BCAS3: variants seen among roughly 807,000 people sequenced by gnomAD.
The protein encoded by BCAS3 is BCAS4/BCAS3 fusion.
BCAS3 carries 53 observed loss-of-function variants against 116.1 expected under a neutral mutation model. The ratio of observed to expected loss-of-function variants is 0.46; its 90% CI spans 0.37 to 0.57. The LOEUF (loss-of-function observed/expected upper bound fraction) is 0.57. Ranked by LOEUF, BCAS3 falls within the 20% of genes least tolerant of loss-of-function variation. BCAS3 has a pLI of 0.00. For missense variants in BCAS3, 917 were observed against 1,165.4 expected, an observed-to-expected ratio of 0.79 and a Z score of 3.10; for synonymous variants, 391 against 408.2, an observed-to-expected ratio of 0.96 and a Z score of 0.51.
chr17:61,350,442 A>AAATG (rs2057765529), intron 22 of BCAS3, among the ~76,000 whole-genome samples: 1 of 150,906 alleles, frequency 6.6e-6, no homozygotes, highest in African/African-American at 2.4e-5. Flanking sequence ...ATAAATAAAT[A>AAATG]AATAAATAAA....
intron 19 of BCAS3, among the ~76,000 whole-genome samples, chr17:61,055,557 T>C (rs1373706502): frequency 2.0e-5 from 3 of 152,150 alleles, no homozygotes; most frequent in African/African-American, 2.4e-5. Flanking sequence ...CCCTGGGTCA[T>C]TGAAAAATAT....
At chr17:61,237,798 G>A (rs1256945404) in intron 22 of BCAS3, among the ~76,000 whole-genome samples, 1 of 152,154 alleles carries the variant, frequency 6.6e-6, no homozygotes, top group Non-Finnish European at 1.5e-5. Context: ...GCTCTTAACT[G>A]CTTTTTGTAT....
intron 5 of BCAS3, among the ~76,000 whole-genome samples, chr17:60,744,183 T>C (rs2041839570): frequency 6.6e-6 from 1 of 152,224 alleles, no homozygotes; most frequent in Admixed American, 6.5e-5. Flanking sequence ...CTCTCTTTCC[T>C]TGTAGTTCTA....
rs1196921451 is a variant in BCAS3 at position 61,180,323 on chromosome 17, C to G, written c.2425+95759C>G. The stretch of plus-strand genomic sequence containing the variant: ...CTTAAAAAAATCTTGGAAGATAAAC[C>G]AAGACAGGAAAATGATTATGGCCAC... On this transcript the variant is annotated intron_variant, in intron 22 of 23. Coordinates refer to ENST00000407086, the MANE Select transcript of BCAS3 (RefSeq NM_017679.5). The surrounding 1 kb of genome is among the most constrained non-coding windows in gnomAD (Gnocchi z 6.0). Among the ~76,000 whole-genome samples, 1 of 151,912 alleles carries G rather than the reference C, an allele frequency of 6.6e-6. No homozygotes were observed. Among genetic ancestry groups the G allele is most frequent in the Non-Finnish European group, 1.5e-5 (1 of 67,982 alleles).
intron 4 of BCAS3, among the ~76,000 whole-genome samples, chr17:60,703,186 A>G (rs976189221): frequency 1.3e-5 from 2 of 151,848 alleles, no homozygotes; most frequent in African/African-American, 4.8e-5. Flanking sequence ...GAGGCAGGAG[A>G]ATCATTTGAA....
chr17:60,785,094 G>A (rs1030482610), intron 6 of BCAS3, among the ~76,000 whole-genome samples: 1 of 151,938 alleles, frequency 6.6e-6, no homozygotes, highest in African/African-American at 2.4e-5. Flanking sequence ...GCGAGACTCC[G>A]TCTCAAAAAA....
chr17:60,862,970 A>G (rs2054283477), intron 7 of BCAS3, among the ~76,000 whole-genome samples: 1 of 152,114 alleles, frequency 6.6e-6, no homozygotes, highest in South Asian at 2.1e-4. Context: ...TTTTCTGTTT[A>G]AGAAATAGGT....
At chr17:61,335,535 AG>A (rs1051651473) in intron 22 of BCAS3, among the ~76,000 whole-genome samples, 1 of 152,122 alleles carries the variant, frequency 6.6e-6, no homozygotes, top group African/African-American at 2.4e-5. Context: ...CAGGTTTTGC[AG>A]GAGAGCATCC....
chr17:61,283,257 T>A (rs948526293), intron 22 of BCAS3, among the ~76,000 whole-genome samples: 1 of 152,194 alleles, frequency 6.6e-6, no homozygotes, highest in Admixed American at 6.5e-5. Flanking sequence ...TTTGGAGGAC[T>A]ATAACACATT....
At chr17:60,705,501 G>A (rs1410651474) in intron 4 of BCAS3, among the ~76,000 whole-genome samples, 3 of 139,838 alleles carry the variant, frequency 2.1e-5, no homozygotes, top group South Asian at 2.2e-4. Context: ...GTGACAGAGT[G>A]AGACTTGTCT....
chr17:60,945,310 T>C (rs1454916937), intron 13 of BCAS3, among the ~76,000 whole-genome samples: 2 of 152,156 alleles, frequency 1.3e-5, no homozygotes, highest in Non-Finnish European at 2.9e-5. Flanking sequence ...AGGATAACAG[T>C]TGTCCCCAAA....
At chr17:60,853,574 G>A (rs893738965) in intron 7 of BCAS3, among the ~76,000 whole-genome samples, 2 of 152,014 alleles carry the variant, frequency 1.3e-5, no homozygotes, top group Non-Finnish European at 2.9e-5. Context: ...CATTCTTTCA[G>A]CTTGAGATAA....
At chr17:60,843,837 T>G (rs1369269362) in intron 7 of BCAS3, among the ~76,000 whole-genome samples, 5 of 152,234 alleles carry the variant, frequency 3.3e-5, no homozygotes, top group African/African-American at 1.2e-4. Context: ...CTCTAACATT[T>G]GATTTATTTT....
Position 61,326,801 on chromosome 17 carries a change from A to T in BCAS3, c.2426-41526A>T, listed in dbSNP as rs1398634802. On this transcript the variant is annotated intron_variant, in intron 22 of 23. Coordinates refer to ENST00000407086, the MANE Select transcript of BCAS3 (RefSeq NM_017679.5). This position sits in a 1 kb window ranked among gnomAD's most constrained non-coding sequence, Gnocchi z 5.3. The stretch of plus-strand genomic sequence containing the variant: ...GATCTATGGGTCTTCAGCACAGAAG[A>T]GGTGTTTGGTCTAGGGGTTTCCTTA... Among the ~76,000 whole-genome samples, 1 of 152,094 alleles carries T rather than the reference A, an allele frequency of 6.6e-6. No homozygotes were observed. The highest frequency in any genetic ancestry group is 1.5e-5 in the Non-Finnish European group (1 of 68,022).
intron 12 of BCAS3, 56 bp from the exon 13 acceptor site, chr17:60,924,351 G>A: frequency 1.3e-6 from 2 of 1,490,228 alleles, no homozygotes; most frequent in Non-Finnish European, 9.4e-7. Flanking sequence ...TAGGCTTCAA[G>A]CTCGGTTATC....
intron 3 of BCAS3, 31 bp downstream of exon 3, chr17:60,684,067 C>G (rs780602504): frequency 1.2e-6 from 2 of 1,604,906 alleles, no homozygotes; most frequent in African/African-American, 1.3e-5. Context: ...TCGCCTTTCC[C>G]TTTGGTCAGG....
At position 60,924,514 on chromosome 17, in the gene BCAS3, CTGTCT is replaced by C; in HGVS notation, c.1087+16_1087+20del. 1.1e-5 allele frequency: 16 copies of C among 1,406,852 alleles called. No individual in the cohort carries two copies. In the East Asian group the frequency reaches 1.2e-4, roughly 11 times the overall value. The allele number at this position is 1,406,852 out of a possible 1,614,324, so 87.1% of individuals were successfully genotyped here. On this transcript the variant is annotated intron_variant, in intron 13 of 23. Transcript: ENST00000407086. The stretch of plus-strand genomic sequence containing the variant: ...TTAATACAAGTGGTAAGTTCGCTCT[CTGTCT>C]TTTTTTTTTTTTTTTTTGTAGACCA...
At chr17:61,042,242 A>T (rs2067570777) in intron 19 of BCAS3, among the ~76,000 whole-genome samples, 1 of 152,042 alleles carries the variant, frequency 6.6e-6, no homozygotes, top group East Asian at 1.9e-4. Context: ...AGCAAAACTA[A>T]TTGTTGAATT....
intron 22 of BCAS3, among the ~76,000 whole-genome samples, chr17:61,234,272 C>T (rs1024817545): frequency 6.6e-6 from 1 of 152,140 alleles, no homozygotes; most frequent in Non-Finnish European, 1.5e-5. Flanking sequence ...CTTCTTCCTT[C>T]CTCTCCTTCC....
Sources: gnomAD v4.1 joint callset for allele counts (sites outside exome capture counted in the v4.1 genomes callset) on GRCh38, gnomAD v4.1.1 for gene constraint, Gnocchi (gnomAD v3.1) non-coding constraint, MANE v1.5 for transcripts, NCBI Gene and HGNC (gene_info 2026-07-23, HGNC 2026-07-21) for gene names.